UVRAG: variants seen among roughly 807,000 people sequenced by gnomAD.
UVRAG encodes the protein UV radiation resistance-associated gene protein.
In UVRAG, 19 loss-of-function variants were observed where a neutral mutation model predicts 78.0. The observed-to-expected ratio is 0.24, with a 90% CI of 0.17 to 0.36. The LOEUF (loss-of-function observed/expected upper bound fraction) is 0.36, where lower values mean the gene tolerates loss of function less well. Ranked by LOEUF, UVRAG falls within the 10% of genes least tolerant of loss-of-function variation. UVRAG has a pLI of 1.00. For synonymous variants in UVRAG, 323 were observed against 324.6 expected (o/e 1.00, Z 0.05); for missense variants, 740 against 853.8 (o/e 0.87, Z 1.66).
At chr11:76,060,516 C>G (rs1192222185) in intron 12 of UVRAG, among the ~76,000 whole-genome samples, 1 of 152,260 alleles carries the variant, frequency 6.6e-6, no homozygotes, top group Admixed American at 6.5e-5. Context: ...CCTTTCTGGG[C>G]TGGCCAAGGC....
intron 4 of UVRAG, among the ~76,000 whole-genome samples, chr11:75,882,954 A>C (rs1946983931): frequency 6.6e-6 from 1 of 152,124 alleles, no homozygotes; most frequent in South Asian, 2.1e-4. Context: ...GAAAATAATG[A>C]CTTTTGGTTT....
intron 1 of UVRAG, among the ~76,000 whole-genome samples, chr11:75,829,231 G>A (rs546533607): frequency 6.6e-6 from 1 of 152,222 alleles, no homozygotes; most frequent in East Asian, 1.9e-4. Context: ...GTGTGCGACT[G>A]TACCCAGCTA....
intron 1 of UVRAG, among the ~76,000 whole-genome samples, chr11:75,839,862 T>TAGAG (rs1555071898): frequency 1.3e-4 from 20 of 149,030 alleles, no homozygotes; most frequent in South Asian, 1.1e-3. Flanking sequence ...CATATATATA[T>TAGAG]AGAGAGAGAG....
chr11:75,911,950 T>C lies in UVRAG; in HGVS notation c.508-4T>C, dbSNP rs1565376142. 1 of 1,601,570 alleles carries C rather than the reference T, an allele frequency of 6.2e-7. No individual in the cohort carries two copies. On this transcript the variant is annotated splice_region_variant and splice_polypyrimidine_tract_variant and intron_variant, in intron 5 of 14. Transcript: ENST00000356136. ...TGATTAATTTGTTGGTTAATGTCTTTCAGGGTTATTCAAATGCTCAGAAGA... is the reference window on the plus strand; with the variant it reads ...TGATTAATTTGTTGGTTAATGTCTTCCAGGGTTATTCAAATGCTCAGAAGA...
intron 5 of UVRAG, chr11:75,911,742 A>G (rs542696822): frequency 2.4e-6 from 1 of 415,142 alleles, no homozygotes; most frequent in South Asian, 3.4e-5. Flanking sequence ...CACTCTTGTC[A>G]GATCCCCCTG....
chr11:76,123,044 C>T (rs1044694087), intron 14 of UVRAG, among the ~76,000 whole-genome samples: 8 of 152,164 alleles, frequency 5.3e-5, no homozygotes, highest in African/African-American at 1.4e-4. Context: ...GAACTGGGAC[C>T]AGAAACCCAG....
intron 14 of UVRAG, among the ~76,000 whole-genome samples, chr11:76,125,501 C>T (rs1180044492): frequency 6.6e-6 from 1 of 151,424 alleles, no homozygotes; most frequent in East Asian, 1.9e-4. Context: ...AACTAACAGG[C>T]CCCCTCCTGC....
intron 7 of UVRAG, among the ~76,000 whole-genome samples, chr11:75,967,165 T>TTTATCCATAGTCTATATTTG (rs1169206835): frequency 6.6e-6 from 1 of 152,328 alleles, no homozygotes; most frequent in South Asian, 2.1e-4. Flanking sequence ...ATTTTTGTAT[T>TTTATCCATAGTCTATATTTG]TTATCCATAG....
intron 13 of UVRAG, among the ~76,000 whole-genome samples, chr11:76,066,002 G>C (rs1003002653): frequency 1.3e-5 from 2 of 152,106 alleles, no homozygotes; most frequent in Non-Finnish European, 2.9e-5. Context: ...GAATCCTCTT[G>C]CTACTTGCTA....
chr11:75,853,327 C>A (rs1421708710), intron 2 of UVRAG, among the ~76,000 whole-genome samples: 2 of 151,930 alleles, frequency 1.3e-5, no homozygotes, highest in African/African-American at 4.8e-5. Context: ...GTGAAGAAAC[C>A]CCTTCAGAGT....
intron 14 of UVRAG, among the ~76,000 whole-genome samples, chr11:76,128,114 G>A (rs902529986): frequency 3.3e-5 from 5 of 152,304 alleles, no homozygotes; most frequent in Non-Finnish European, 5.9e-5. Flanking sequence ...CCTCGGCCAT[G>A]TACCAGTAGC....
At chr11:75,881,251 T>A (rs184138578) in intron 4 of UVRAG, among the ~76,000 whole-genome samples, 24 of 152,300 alleles carry the variant, frequency 1.6e-4, no homozygotes, top group African/African-American at 5.3e-4. Context: ...CAGAAAGACG[T>A]GCCCAAGGTG....
intron 2 of UVRAG, among the ~76,000 whole-genome samples, chr11:75,853,119 T>C (rs1430985222): frequency 6.6e-6 from 1 of 152,064 alleles, no homozygotes; most frequent in Non-Finnish European, 1.5e-5. Flanking sequence ...TACTATGTTT[T>C]TTGGGCTGGT....
intron 13 of UVRAG, among the ~76,000 whole-genome samples, chr11:76,080,816 C>T (rs1207927987): frequency 6.6e-6 from 1 of 152,106 alleles, no homozygotes; most frequent in African/African-American, 2.4e-5. Flanking sequence ...AGCTATATTC[C>T]CTCTAGCTGA....
chr11:75,902,115 T>G (rs1947516875), intron 5 of UVRAG, among the ~76,000 whole-genome samples: 1 of 152,232 alleles, frequency 6.6e-6, no homozygotes, highest in African/African-American at 2.4e-5. Context: ...TCCAGTACAT[T>G]CTTGTCAAAT....
chr11:75,998,667 TG>T (rs538758803), intron 8 of UVRAG, among the ~76,000 whole-genome samples: 86 of 152,262 alleles, frequency 5.6e-4, no homozygotes, highest in Non-Finnish European at 8.8e-4. Flanking sequence ...TGGTAGAGCA[TG>T]GGAAGAAGTT....
At chr11:75,923,145 ATAAT>A (rs1225783822) in intron 6 of UVRAG, among the ~76,000 whole-genome samples, 1 of 151,454 alleles carries the variant, frequency 6.6e-6, no homozygotes, top group Non-Finnish European at 1.5e-5. Context: ...AATATTTTAA[ATAAT>A]TCTTTTTATT....
At chr11:75,962,244 T>C (rs1448840326) in intron 7 of UVRAG, among the ~76,000 whole-genome samples, 1 of 152,136 alleles carries the variant, frequency 6.6e-6, no homozygotes, top group African/African-American at 2.4e-5. Flanking sequence ...AAGTTCTAGA[T>C]AAAATTATTT....
intron 5 of UVRAG, among the ~76,000 whole-genome samples, chr11:75,902,306 C>T (rs1034385844): frequency 1.3e-5 from 2 of 152,116 alleles, no homozygotes; most frequent in African/African-American, 4.8e-5. Flanking sequence ...AACTGTTCCA[C>T]CTCAGATGAT....
Sources: gnomAD v4.1 joint callset for allele counts (sites outside exome capture counted in the v4.1 genomes callset) on GRCh38, gnomAD v4.1.1 for gene constraint, MANE v1.5 for transcripts, NCBI Gene and HGNC (gene_info 2026-07-23, HGNC 2026-07-21) for gene names.